PPFIBP2: variants seen among roughly 807,000 people sequenced by gnomAD.
The protein encoded by PPFIBP2 is PPFIB scaffold protein 2, also known as liprin-beta-2.
A neutral mutation model predicts 118.3 loss-of-function variants in PPFIBP2; 118 were observed. The ratio of observed to expected loss-of-function variants is 1.00; its 90% CI spans 0.86 to 1.16. The LOEUF is 1.16. PPFIBP2 is among the 50% of genes most tolerant of loss of function. PPFIBP2 has a pLI of 0.00. For missense variants in PPFIBP2, 1,195 were observed against 1,073.1 expected (o/e 1.11, Z -1.59); for synonymous variants, 414 against 397.4 (o/e 1.04, Z -0.50).
chr11:7,565,514 C>T, intron 2 of PPFIBP2, 39 bp from the exon 3 acceptor site: 1 of 1,604,956 alleles, frequency 6.2e-7, no homozygotes, highest in African/African-American at 1.3e-5. Flanking sequence ...TCAGGGTGTC[C>T]ACCCTTCTTA....
chr11:7,635,708 G>A (rs747452508), intron 14 of PPFIBP2, 115 bp downstream of exon 14: 12 of 1,143,152 alleles, frequency 1.0e-5, no homozygotes, highest in African/African-American at 1.6e-5. Context: ...AGGAGTAAGA[G>A]GGCAAGAGGA....
At chr11:7,577,328 T>TGCGTGTGTGTGC (rs139232467) in intron 3 of PPFIBP2, 6 of 283,184 alleles carry the variant, frequency 2.1e-5, no homozygotes, top group South Asian at 5.7e-5. Flanking sequence ...TGCGTGTGTG[T>TGCGTGTGTGTGC]GTGTGTGTGT....
At chr11:7,551,320 G>A (rs1374644754) in intron 2 of PPFIBP2, among the ~76,000 whole-genome samples, 1 of 152,110 alleles carries the variant, frequency 6.6e-6, no homozygotes, top group South Asian at 2.1e-4. Flanking sequence ...GCGAGTCCCT[G>A]GCAGACCTCT....
chr11:7,558,774 A>G (rs1258932054), intron 2 of PPFIBP2, among the ~76,000 whole-genome samples: 2 of 152,110 alleles, frequency 1.3e-5, no homozygotes, highest in African/African-American at 4.8e-5. Flanking sequence ...AAAGAAAGAA[A>G]AAAAGGCTTT....
chr11:7,524,140 G>A (rs902641751), intron 1 of PPFIBP2, among the ~76,000 whole-genome samples: 3 of 151,950 alleles, frequency 2.0e-5, no homozygotes, highest in African/African-American at 4.8e-5. Context: ...GTGTGTGTGT[G>A]TGAGAGAGAG....
intron 1 of PPFIBP2, among the ~76,000 whole-genome samples, chr11:7,521,974 A>G (rs1849797996): frequency 6.6e-6 from 1 of 152,178 alleles, no homozygotes; most frequent in South Asian, 2.1e-4. Context: ...GAAGGCCTTG[A>G]AAGTTGGAGC....
chr11:7,543,634 T>C (rs1852007619), intron 1 of PPFIBP2, among the ~76,000 whole-genome samples: 1 of 152,226 alleles, frequency 6.6e-6, no homozygotes, highest in Admixed American at 6.5e-5. Flanking sequence ...AATTACAACC[T>C]AACCATTTTT....
At chr11:7,650,624 C>G in intron 21 of PPFIBP2, 2 of 367,670 alleles carry the variant, frequency 5.4e-6, no homozygotes. Context: ...ATTCAGATAT[C>G]TCAGTGTGGA....
At chr11:7,591,209 G>A (rs1488054620) in intron 3 of PPFIBP2, among the ~76,000 whole-genome samples, 1 of 151,978 alleles carries the variant, frequency 6.6e-6, no homozygotes, top group East Asian at 1.9e-4. Flanking sequence ...TTTGAATAAG[G>A]CATAGTTGGT....
At chr11:7,656,262 T>C (rs562544234), downstream of PPFIBP2, among the ~76,000 whole-genome samples, 70 of 152,324 alleles carry the variant, frequency 4.6e-4, no homozygotes, top group African/African-American at 1.6e-3. Context: ...ACTGAGCCTA[T>C]TGGCTATAGT....
At chr11:7,577,101 C>T (rs1159796648) in intron 3 of PPFIBP2, 1 of 158,092 alleles carries the variant, frequency 6.3e-6, no homozygotes, top group African/African-American at 2.4e-5. Context: ...TCCAGCCACT[C>T]CAGAAGGGGG....
rs191712671 is a variant in PPFIBP2, at chr11:7,556,372, A to G, written c.64+6833A>G. 2.4e-3 allele frequency among the ~76,000 whole-genome samples: 372 copies of G among 152,242 alleles called. 1 individual carries two copies. Among genetic ancestry groups the G allele is most frequent in the African/African-American group, 6.5e-3 (269 of 41,550 alleles). On this transcript the variant is annotated intron_variant, in intron 2 of 23. Coordinates refer to ENST00000299492, the MANE Select transcript of PPFIBP2 (RefSeq NM_003621.5). Reference sequence around the variant, plus strand: ...CGGGAGGCTGAGGCAGGAGAATGGCATGAACCCAGGAGGTGGAGCTTGCAA... The same window carrying G: ...CGGGAGGCTGAGGCAGGAGAATGGCGTGAACCCAGGAGGTGGAGCTTGCAA...
At position 7,593,150 on chromosome 11, in the gene PPFIBP2, A is replaced by G; in HGVS notation, c.298A>G (p.Ser100Gly). Residue 100 changes from serine to glycine, a missense_variant, in exon 4 of 24, where the codon AGT becomes GGT. Coordinates refer to ENST00000299492, the MANE Select transcript of PPFIBP2 (RefSeq NM_003621.5). ...EESLSQVNHH[S>G]AASNETYQER... ...TCTTTAGTCCCAGGTAAACCACCAC[A>G]GTGCTGCTAGTAATGAAACCTACCA... is the stretch of plus-strand genomic sequence containing the variant. 3 of 1,614,064 alleles carry G rather than the reference A, an allele frequency of 1.9e-6. No individual in the cohort carries two copies. The highest frequency in any genetic ancestry group is 1.6e-4 in the Middle Eastern group (1 of 6,062).
intron 1 of PPFIBP2, among the ~76,000 whole-genome samples, chr11:7,541,576 T>C (rs879567935): frequency 1.3e-5 from 2 of 152,182 alleles, no homozygotes; most frequent in Admixed American, 1.3e-4. Flanking sequence ...GGCTGCATGG[T>C]GGAGTGTTTC....
chr11:7,575,191 A>T (rs945443479), intron 3 of PPFIBP2, among the ~76,000 whole-genome samples: 1 of 152,186 alleles, frequency 6.6e-6, no homozygotes, highest in Non-Finnish European at 1.5e-5. Context: ...CTTTCATCCA[A>T]AAAATGTTTA....
intron 5 of PPFIBP2, among the ~76,000 whole-genome samples, chr11:7,608,195 A>G (rs1213607383): frequency 1.3e-5 from 2 of 152,244 alleles, no homozygotes; most frequent in Admixed American, 1.3e-4. Context: ...TTGAGTGGGC[A>G]TTTCCTGGGC....
At chr11:7,556,608 CCAGT>C (rs1853661231) in intron 2 of PPFIBP2, among the ~76,000 whole-genome samples, 1 of 152,176 alleles carries the variant, frequency 6.6e-6, no homozygotes, top group African/African-American at 2.4e-5. Flanking sequence ...AACAACCTCT[CCAGT>C]CATAGTTGAT....
intron 6 of PPFIBP2, among the ~76,000 whole-genome samples, chr11:7,617,477 C>A (rs1227767642): frequency 2.0e-5 from 3 of 152,148 alleles, no homozygotes; most frequent in African/African-American, 7.2e-5. Flanking sequence ...GTGACCCTCA[C>A]TGAGCAGGGT....
chr11:7,603,946 C>G (rs1229241883), intron 5 of PPFIBP2, among the ~76,000 whole-genome samples: 2 of 152,176 alleles, frequency 1.3e-5, no homozygotes, highest in Admixed American at 6.5e-5. Flanking sequence ...GCCTTTGCCC[C>G]TTATCCTCAG....
Sources: allele counts gnomAD v4.1 joint callset (sites outside exome capture counted in the v4.1 genomes callset), GRCh38; gene constraint gnomAD v4.1.1; transcripts MANE v1.5; gene names NCBI Gene and HGNC (gene_info 2026-07-23, HGNC 2026-07-21).